Variants in CHRM3 observed in about 807,000 individuals in gnomAD.
CHRM3 encodes the protein muscarinic acetylcholine receptor M3.
Under a neutral mutation model 41.8 loss-of-function variants are expected in CHRM3, and 11 were observed. The observed-to-expected ratio is 0.26, with a 90% confidence interval of 0.17 to 0.44. The LOEUF is 0.44. Ranked by LOEUF, CHRM3 falls within the 20% of genes least tolerant of loss-of-function variation. The pLI, the probability that CHRM3 is intolerant of heterozygous loss-of-function variation, is 1.00. For missense variants in CHRM3, 571 were observed against 745.4 expected (o/e 0.77, Z 2.72); for synonymous variants, 297 against 301.4 (o/e 0.99, Z 0.15).
chr1:239,526,291 A>T (rs1407145731), intron 2 of CHRM3, among the ~76,000 whole-genome samples: 2 of 152,080 alleles, frequency 1.3e-5, no homozygotes, highest in East Asian at 3.9e-4. Context: ...CTCATCTCCT[A>T]CTTGTATGCT....
intron 5 of CHRM3, among the ~76,000 whole-genome samples, chr1:239,822,817 A>T (rs1672158807): frequency 6.6e-6 from 1 of 152,240 alleles, no homozygotes; most frequent in African/African-American, 2.4e-5. Context: ...GCCTTTGTGG[A>T]GCTTAGGCAA....
intron 1 of CHRM3, among the ~76,000 whole-genome samples, chr1:239,456,590 AGTGATGCGTGACC>A (rs1329412037): frequency 6.6e-6 from 1 of 152,200 alleles, no homozygotes. Flanking sequence ...CTGGTCCTTA[AGTGATGCGTGACC>A]GTATGTGTTT....
intron 1 of CHRM3, among the ~76,000 whole-genome samples, chr1:239,398,147 C>G (rs1466217269): frequency 1.3e-5 from 2 of 152,090 alleles, no homozygotes; most frequent in Non-Finnish European, 2.9e-5. Flanking sequence ...GAAGAAGAAA[C>G]TTAAAAGTAG....
chr1:239,859,437 T>A (rs1165928426), intron 6 of CHRM3, among the ~76,000 whole-genome samples: 1 of 150,584 alleles, frequency 6.6e-6, no homozygotes, highest in African/African-American at 2.4e-5. Flanking sequence ...TTTTTGTTTT[T>A]TTTTTTGAGG....
At chr1:239,772,577 G>C (rs1667778839) in intron 5 of CHRM3, among the ~76,000 whole-genome samples, 1 of 152,136 alleles carries the variant, frequency 6.6e-6, no homozygotes, top group South Asian at 2.1e-4. Flanking sequence ...GCCTTCTATT[G>C]TTCTACGTTG....
At chr1:239,446,747 G>A (rs918737331) in intron 1 of CHRM3, among the ~76,000 whole-genome samples, 5 of 152,124 alleles carry the variant, frequency 3.3e-5, no homozygotes, top group Non-Finnish European at 5.9e-5. Flanking sequence ...TATGATAAAG[G>A]CAATGTGCAT....
At chr1:239,893,190 G>A (rs899670541) in intron 6 of CHRM3, among the ~76,000 whole-genome samples, 1 of 152,170 alleles carries the variant, frequency 6.6e-6, no homozygotes, top group Admixed American at 6.5e-5. Context: ...CTGGCACACA[G>A]TGAGTGTTTA....
intron 6 of CHRM3, among the ~76,000 whole-genome samples, chr1:239,850,156 T>C (rs2149217741): frequency 6.6e-6 from 1 of 152,346 alleles, no homozygotes; most frequent in East Asian, 1.9e-4. Flanking sequence ...TTGTTTGTTA[T>C]ATTAACACAT....
At chr1:239,837,391 C>T (rs1673416046) in intron 6 of CHRM3, among the ~76,000 whole-genome samples, 1 of 152,110 alleles carries the variant, frequency 6.6e-6, no homozygotes, top group Non-Finnish European at 1.5e-5. Flanking sequence ...CTTTTTGTTC[C>T]TGACATTACC....
At chr1:239,526,574 C>G (rs768446880) in intron 2 of CHRM3, among the ~76,000 whole-genome samples, 1 of 152,134 alleles carries the variant, frequency 6.6e-6, no homozygotes, top group Non-Finnish European at 1.5e-5. Context: ...GACATCTGGC[C>G]TCAGCAAGCA....
intron 5 of CHRM3, chr1:239,705,280 C>G (rs1180533980): frequency 6.6e-6 from 1 of 152,162 alleles, no homozygotes; most frequent in African/African-American, 2.4e-5. Context: ...TGAGCACAGT[C>G]GACTCATGAT....
chr1:239,419,997 C>T (rs1400503347), intron 1 of CHRM3, among the ~76,000 whole-genome samples: 2 of 152,208 alleles, frequency 1.3e-5, no homozygotes, highest in Non-Finnish European at 2.9e-5. Flanking sequence ...ATCATACAAA[C>T]AGACTCTATT....
Position 239,711,102 on chromosome 1 carries a change from A to G in CHRM3, c.-147+32814A>G, listed in dbSNP as rs575401116. Among the ~76,000 whole-genome samples the G allele has an allele frequency of 9.2e-5, 14 of 152,268 alleles. No individual in the cohort carries two copies. The East Asian group carries it at 2.5e-3, about 27-fold the overall frequency. Reference sequence around the variant, plus strand: ...CCTCTGGGCCCTGGACATTGTACAGATGCAGCTGCAGTGGCACAGATGAGA... The same window carrying G: ...CCTCTGGGCCCTGGACATTGTACAGGTGCAGCTGCAGTGGCACAGATGAGA... On this transcript the variant is annotated intron_variant, in intron 5 of 6. Transcript: ENST00000676153.
chr1:239,577,442 C>T (rs558513831), intron 3 of CHRM3, among the ~76,000 whole-genome samples: 1 of 152,250 alleles, frequency 6.6e-6, no homozygotes, highest in African/African-American at 2.4e-5. Context: ...GTTCTCATAT[C>T]TGAGACAAGA....
At chr1:239,900,160 G>A (rs1215753446) in intron 6 of CHRM3, among the ~76,000 whole-genome samples, 1 of 152,258 alleles carries the variant, frequency 6.6e-6, no homozygotes, top group East Asian at 1.9e-4. Context: ...TAGCTGTTGA[G>A]TCAGGATGAG....
chr1:239,814,454 A>G (rs1413234519), intron 5 of CHRM3, among the ~76,000 whole-genome samples: 6 of 152,128 alleles, frequency 3.9e-5, no homozygotes, highest in Non-Finnish European at 7.3e-5. Flanking sequence ...CATTTCAGAG[A>G]TGTCCAGAGC....
At chr1:239,488,085 G>A (rs116194922) in intron 1 of CHRM3, among the ~76,000 whole-genome samples, 2 of 152,094 alleles carry the variant, frequency 1.3e-5, no homozygotes, top group African/African-American at 4.8e-5. Context: ...TATACTAAGG[G>A]TGTTGGTAAA....
At chr1:239,693,266 T>C (rs1558460434) in intron 5 of CHRM3, among the ~76,000 whole-genome samples, 1 of 152,134 alleles carries the variant, frequency 6.6e-6, no homozygotes. Context: ...ACTCCCCAAA[T>C]TTCTGCATTA....
chr1:239,462,690 T>A (rs900402334), intron 1 of CHRM3, among the ~76,000 whole-genome samples: 1 of 152,374 alleles, frequency 6.6e-6, no homozygotes, highest in Admixed American at 6.5e-5. Context: ...TTAGATTTAC[T>A]TTTTGTACAT....
Sources: gnomAD v4.1 joint callset for allele counts (sites outside exome capture counted in the v4.1 genomes callset) on GRCh38, gnomAD v4.1.1 for gene constraint, MANE v1.5 for transcripts, NCBI Gene and HGNC (gene_info 2026-07-23, HGNC 2026-07-21) for gene names.